Variants in APC observed in about 807,000 individuals in gnomAD.
APC encodes the protein APC regulator of Wnt signaling pathway, also known as adenomatous polyposis coli protein.
APC carries 72 observed loss-of-function variants against 247.0 expected under a neutral mutation model. The ratio of observed to expected loss-of-function variants is 0.29; its 90% CI spans 0.24 to 0.35. APC has a LOEUF of 0.35. Among genes scored for constraint, APC ranks in the 10% least tolerant of loss-of-function variants. The probability of loss-of-function intolerance (pLI) is 1.00; values close to 1 mark genes in which losing one functional copy is unlikely to be tolerated. For missense variants in APC, 3,400 were observed against 3,360.7 expected, an observed-to-expected ratio of 1.01 and a Z score of -0.29; for synonymous variants, 1,254 against 1,162.5, an observed-to-expected ratio of 1.08 and a Z score of -1.60.
rs1554071538 is a variant in APC at position 112,775,672 on chromosome 5, G to C, written c.466G>C (p.Asp156His). ...TCTTGACAAAGAAGAAAAGGAAAAA[G>C]ACTGGTATTACGCTCAACTTCAGAA... ...ADLDKEEKEK[D>H]WYYAQLQNLT... The change falls in exon 5 of 16, where the codon GAC becomes CAC. Residue 156 changes from aspartate (D) to histidine (H), a missense_variant. Asp to His is a moderately conservative substitution (Grantham distance 81). Around this residue, in one of 9 missense-constraint regions of APC, gnomAD observed 372 missense variants for 367.6 expected, o/e 1.01. Coordinates refer to ENST00000257430, the MANE Select transcript of APC (RefSeq NM_000038.6). The C allele has an allele frequency of 1.2e-6, 2 of 1,607,020 alleles. No individual in the cohort carries two copies. Among genetic ancestry groups the C allele is most frequent in the Non-Finnish European group, 1.7e-6 (2 of 1,177,202 alleles).
In APC at chr5:112,789,080, A is replaced by G. The variant is rs3846717; in HGVS notation, c.646-3366A>G. ...TATCAAGTTAAGGGATTTACCTTCT[A>G]TTCTAATTTGTGGAGAGTTATCCTG... On this transcript the variant is annotated intron_variant, in intron 6 of 15. Transcript: ENST00000257430. Among the ~76,000 whole-genome samples, 583 of 152,302 alleles carry G rather than the reference A, an allele frequency of 3.8e-3. 3 individuals are homozygous for G. Among genetic ancestry groups the G allele is most frequent in the Non-Finnish European group, 4.3e-3 (291 of 68,014 alleles).
intron 2 of APC, among the ~76,000 whole-genome samples, chr5:112,760,600 A>G (rs1755539849): frequency 6.6e-6 from 1 of 152,206 alleles, no homozygotes; most frequent in Non-Finnish European, 1.5e-5. Flanking sequence ...GGAAAGACCT[A>G]TTAGAGGGAG....
intron 3 of APC, among the ~76,000 whole-genome samples, chr5:112,766,779 T>C (rs1756384303): frequency 6.6e-6 from 1 of 152,220 alleles, no homozygotes; most frequent in Non-Finnish European, 1.5e-5. Context: ...TCATTCAGGA[T>C]AGAAATACTT....
intron 6 of APC, among the ~76,000 whole-genome samples, chr5:112,782,542 T>G (rs958737626): frequency 6.6e-6 from 1 of 152,204 alleles, no homozygotes; most frequent in Non-Finnish European, 1.5e-5. Context: ...AACTAGTGTT[T>G]GTGTGCATGT....
rs186753757 is a variant in APC, at chr5:112,768,276, T to C, written c.422+886T>C. On this transcript the variant is annotated intron_variant, in intron 4 of 15. Transcript: ENST00000257430. ...CAGGCTAGTCTCAAACTCATGACCT[T>C]AGGTGATTCCCCCCTGCCTCGGCCT... is the stretch of plus-strand genomic sequence containing the variant. Among the ~76,000 whole-genome samples the C allele has an allele frequency of 6.4e-3, 978 of 151,686 alleles. 7 individuals are homozygous for C. The highest frequency in any genetic ancestry group is 0.01 in the Middle Eastern group (3 of 294).
intron 4 of APC, among the ~76,000 whole-genome samples, chr5:112,769,012 C>T (rs1310969962): frequency 6.9e-6 from 1 of 144,358 alleles, no homozygotes; most frequent in African/African-American, 2.6e-5. Flanking sequence ...TTACTTTTTA[C>T]TTCTGTTAGT....
At chr5:112,713,332 A>G (rs527877880) in intron 1 of APC, among the ~76,000 whole-genome samples, 4 of 152,160 alleles carry the variant, frequency 2.6e-5, no homozygotes, top group Admixed American at 6.5e-5. Context: ...CTTTGCCATC[A>G]TGGTTGCAGA....
In APC at chr5:112,707,878, G is replaced by A. The variant is rs1750617951; in HGVS notation, c.161G>A (p.Trp54Ter). The A allele has an allele frequency of 7.3e-7, 1 of 1,368,954 alleles. No homozygotes were observed. Among genetic ancestry groups the A allele is most frequent in the Non-Finnish European group, 9.6e-7 (1 of 1,037,976 alleles). The allele number at this position is 1,368,954 out of a possible 1,614,324, so 84.8% of individuals were successfully genotyped here. A position where few individuals can be genotyped will look rare whatever the true frequency, so the allele number is the denominator to read the frequency against. ...ACTTCTGGCCACTGGGCGAGCGTCT[G>A]GCAGGTGAGTGAGGCTGCAGGCATT... is the stretch of plus-strand genomic sequence containing the variant. The change falls in exon 1 of 14, where the codon TGG becomes TAG. Residue 54 changes from tryptophan to a stop codon, truncating the protein, a stop_gained. Transcript: ENST00000507379. LOFTEE classifies it high-confidence loss of function.
At chr5:112,761,799 A>G (rs919989240) in intron 2 of APC, among the ~76,000 whole-genome samples, 1 of 152,216 alleles carries the variant, frequency 6.6e-6, no homozygotes, top group Admixed American at 6.5e-5. Context: ...TCTAGAAGAA[A>G]ACATAGGATA....
chr5:112,709,962 TTC>T (rs930599748), intron 1 of APC, among the ~76,000 whole-genome samples: 2 of 152,082 alleles, frequency 1.3e-5, no homozygotes, highest in African/African-American at 4.8e-5. Context: ...ATTTTTTCCT[TTC>T]TCTCTCTCTT....
chr5:112,811,172 G>T (rs1042926269), intron 8 of APC, among the ~76,000 whole-genome samples: 2 of 152,200 alleles, frequency 1.3e-5, no homozygotes, highest in Non-Finnish European at 2.9e-5. Context: ...TAGGAAAAAG[G>T]ACAGTGGGAA....
intron 1 of APC, among the ~76,000 whole-genome samples, chr5:112,739,038 G>A (rs892460408): frequency 2.2e-4 from 34 of 152,182 alleles, no homozygotes; most frequent in African/African-American, 7.5e-4. Flanking sequence ...ATTTTTGTAG[G>A]CCTAATATTT....
intron 8 of APC, among the ~76,000 whole-genome samples, chr5:112,813,536 T>C (rs967622316): frequency 1.8e-4 from 27 of 152,166 alleles, no homozygotes; most frequent in Non-Finnish European, 3.4e-4. Flanking sequence ...AGGAATACAT[T>C]GTTAACAGTT....
intron 1 of APC, among the ~76,000 whole-genome samples, chr5:112,709,517 G>T (rs1012815340): frequency 6.6e-6 from 1 of 152,168 alleles, no homozygotes; most frequent in African/African-American, 2.4e-5. Context: ...CAAAGCAGGG[G>T]TTGCTGAGCC....
intron 4 of APC, among the ~76,000 whole-genome samples, chr5:112,768,282 A>T (rs1219808958): frequency 6.6e-6 from 1 of 150,968 alleles, no homozygotes; most frequent in Non-Finnish European, 1.5e-5. Flanking sequence ...ACCTTAGGTG[A>T]TTCCCCCCTG....
At chr5:112,773,690 A>G (rs1011562658) in intron 4 of APC, among the ~76,000 whole-genome samples, 4 of 152,204 alleles carry the variant, frequency 2.6e-5, no homozygotes, top group African/African-American at 9.7e-5. Flanking sequence ...TCACACCCAT[A>G]TTCAAGGGTC....
intron 8 of APC, among the ~76,000 whole-genome samples, chr5:112,813,532 A>G (rs1762186137): frequency 6.6e-6 from 1 of 152,222 alleles, no homozygotes; most frequent in African/African-American, 2.4e-5. Context: ...ACTTAGGAAT[A>G]CATTGTTAAC....
intron 1 of APC, among the ~76,000 whole-genome samples, chr5:112,743,709 C>T (rs572064504): frequency 4.6e-5 from 7 of 152,272 alleles, no homozygotes; most frequent in East Asian, 1.9e-4. Context: ...CTTTTAGACT[C>T]GTTATAACAC....
intron 14 of APC, among the ~76,000 whole-genome samples, chr5:112,833,417 G>A (rs1279719813): frequency 1.3e-5 from 2 of 151,868 alleles, no homozygotes; most frequent in Admixed American, 1.3e-4. Flanking sequence ...TCCTGACCTC[G>A]TGATCCGTGC....
Sources: gnomAD v4.1 joint callset for allele counts (sites outside exome capture counted in the v4.1 genomes callset) on GRCh38, gnomAD v4.1.1 for gene constraint, gnomAD v4.1.1 regional missense constraint, MANE v1.5 for transcripts, NCBI Gene and HGNC (gene_info 2026-07-23, HGNC 2026-07-21) for gene names.